The following EPG5 variants were observed in gnomAD, a reference collection of about 807,000 sequenced individuals.
The protein encoded by EPG5 is ectopic P granules protein 5 homolog.
Under a neutral mutation model 302.7 loss-of-function variants are expected in EPG5, and 159 were observed. That is an observed-to-expected ratio of 0.53 (90% CI 0.46 to 0.60). The LOEUF is 0.60. EPG5 is among the 20% of genes least tolerant of loss of function. The pLI is 0.00. For synonymous variants in EPG5, 1,158 were observed against 1,136.8 expected (o/e 1.02, Z -0.37); for missense variants, 2,896 against 3,092.4 (o/e 0.94, Z 1.51).
chr18:45,921,450 A>G (rs754370415), intron 16 of EPG5, among the ~76,000 whole-genome samples: 13 of 152,272 alleles, frequency 8.5e-5, no homozygotes, highest in Non-Finnish European at 1.9e-4. Context: ...GAAGTCATTC[A>G]TGCATTCAAT....
At position 45,903,987 on chromosome 18, in the gene EPG5, G is replaced by A. The variant is rs1167757417; in HGVS notation, c.4460C>T (p.Thr1487Ile). Residue 1487 changes from threonine (T) to isoleucine (I), a missense_variant, in exon 25 of 44, where the codon ACT (threonine) becomes ATT (isoleucine). This residue lies in a region of EPG5 where 790 missense variants were observed against 798.0 expected (regional missense o/e 0.99). Transcript: ENST00000282041. ...CCAGGACCCACCCAGCAAAGGATCA[G>A]TGAAGTCCAGCTGCACGGACAAACT... ...PCSLSVQLDF[T>I]DPLLAKERVL... The A allele has an allele frequency of 6.2e-7, 1 of 1,610,164 alleles. No homozygotes were observed. The highest frequency in any genetic ancestry group is 8.5e-7 in the Non-Finnish European group (1 of 1,179,296).
At chr18:45,852,744 C>T in intron 43 of EPG5, 95 bp from the exon 44 acceptor site, 1 of 1,116,680 alleles carries the variant, frequency 9.0e-7, no homozygotes, top group South Asian at 1.5e-5. Context: ...TGTACTTCAA[C>T]TGTGAGCCTT....
chr18:45,902,933 G>C (rs917362705), intron 25 of EPG5, among the ~76,000 whole-genome samples: 9 of 152,196 alleles, frequency 5.9e-5, no homozygotes, highest in African/African-American at 2.2e-4. Flanking sequence ...TGTGAGGACT[G>C]AGTTAATGCA....
intron 14 of EPG5, 84 bp from the exon 15 acceptor site, chr18:45,923,471 T>C: frequency 1.4e-6 from 2 of 1,413,084 alleles, no homozygotes; most frequent in Admixed American, 4.1e-5. Context: ...TTAGGCAGAA[T>C]AGTAACAAAG....
At position 45,954,622 on chromosome 18, in the gene EPG5, T is replaced by C. The variant is rs186213665; in HGVS notation, c.780A>G (p.Leu260=). The change falls in exon 2 of 44, where the codon CTA becomes CTG. Residue 260 remains leucine, a synonymous_variant. Transcript: ENST00000282041. ...GCCATGAACCAGGCTCCAAGATTTTTAGCTGTTCTTTAGTAAATGGTACTA... is the reference window on the plus strand; with the variant it reads ...GCCATGAACCAGGCTCCAAGATTTTCAGCTGTTCTTTAGTAAATGGTACTA... ...LELVPFTKEQ[L]KILEPGSWLE... is the part of the protein sequence containing the mutation. 391 of 1,614,272 alleles carry C rather than the reference T, an allele frequency of 2.4e-4. No individual in the cohort carries two copies. In the African/African-American group the frequency reaches 4.7e-3, roughly 19 times the overall value.
chr18:45,902,062 G>T (rs1384707241), intron 25 of EPG5, among the ~76,000 whole-genome samples: 1 of 152,172 alleles, frequency 6.6e-6, no homozygotes, highest in Non-Finnish European at 1.5e-5. Context: ...CAGTGGTCAA[G>T]GGAATTTCAA....
chr18:45,927,566 A>G (rs1907336873), intron 13 of EPG5, among the ~76,000 whole-genome samples: 1 of 149,592 alleles, frequency 6.7e-6, no homozygotes, highest in South Asian at 2.1e-4. Context: ...GTCCCCATCA[A>G]TGACTGAATG....
chr18:45,834,305 T>C, the EPG5 span, among the ~76,000 whole-genome samples: 1 of 152,244 alleles, frequency 6.6e-6, no homozygotes, highest in Non-Finnish European at 1.5e-5. Context: ...GGTACCATGC[T>C]GGGCAACAGC....
At chr18:45,953,136 G>T in intron 2 of EPG5, 1 of 271,864 alleles carries the variant, frequency 3.7e-6, no homozygotes, top group Non-Finnish European at 5.6e-6. Flanking sequence ...TTACGCCACT[G>T]CACTCCAGCC....
the EPG5 span, among the ~76,000 whole-genome samples, chr18:45,839,535 G>C: frequency 1.3e-5 from 2 of 152,262 alleles, no homozygotes; most frequent in African/African-American, 4.8e-5. Flanking sequence ...TGCGTGCTGA[G>C]CGGTAGACAG....
intron 8 of EPG5, among the ~76,000 whole-genome samples, chr18:45,943,659 C>T (rs2050721151): frequency 6.6e-6 from 1 of 152,160 alleles, no homozygotes; most frequent in Non-Finnish European, 1.5e-5. Context: ...CGGTGGCTCA[C>T]GCCTGTAATC....
At position 45,900,983 on chromosome 18, in the gene EPG5, T is replaced by A; in HGVS notation, c.4646+13A>T. The A allele has an allele frequency of 6.2e-7, 1 of 1,601,888 alleles. No homozygotes were observed. The highest frequency in any genetic ancestry group is 1.1e-5 in the South Asian group (1 of 90,152). ...AACATGGGAACATGATCCGTGAGGC[T>A]GCATGGTCTTACCTGGCCTGCTGTT... is the stretch of plus-strand genomic sequence containing the variant. On this transcript the variant is annotated intron_variant, in intron 26 of 43. Coordinates refer to ENST00000282041, the MANE Select transcript of EPG5 (RefSeq NM_020964.3).
chr18:45,915,977 C>T, intron 19 of EPG5, 32 bp downstream of exon 19: 2 of 1,566,914 alleles, frequency 1.3e-6, no homozygotes, highest in African/African-American at 1.4e-5. Context: ...TAGCCAATCA[C>T]TGAAAGATAA....
chr18:45,910,117 C>G (rs1199110462), intron 23 of EPG5, among the ~76,000 whole-genome samples: 1 of 152,116 alleles, frequency 6.6e-6, no homozygotes, highest in African/African-American at 2.4e-5. Context: ...TCCCAAGTAG[C>G]TGGGACCACA....
intron 35 of EPG5, among the ~76,000 whole-genome samples, chr18:45,872,667 G>A (rs2048895778): frequency 6.6e-6 from 1 of 152,038 alleles, no homozygotes; most frequent in Middle Eastern, 3.4e-3. Flanking sequence ...TCGCACCACC[G>A]CACTCCAACC....
intron 4 of EPG5, among the ~76,000 whole-genome samples, chr18:45,950,427 G>A (rs1266984449): frequency 6.6e-6 from 1 of 152,142 alleles, no homozygotes; most frequent in Non-Finnish European, 1.5e-5. Context: ...CACGAGATCT[G>A]ATGGGTTTAT....
the EPG5 span, chr18:45,825,498 C>T: frequency 3.5e-6 from 2 of 566,742 alleles, no homozygotes; most frequent in East Asian, 5.6e-5. Flanking sequence ...CAGTGATTCC[C>T]CTCTTGGTTT....
Position 45,878,388 on chromosome 18 carries a change from T to C in EPG5, c.5930A>G (p.Glu1977Gly). Residue 1977 changes from glutamate to glycine, a missense_variant, in exon 34 of 44, where the codon GAG becomes GGG. Physicochemically the swap from Glu to Gly is moderately conservative, Grantham distance 98. This residue lies in a region of EPG5 where 32 missense variants were observed against 58.4 expected (regional missense o/e 0.55). Coordinates refer to ENST00000282041, the MANE Select transcript of EPG5 (RefSeq NM_020964.3). ...QLFKPWILVL[E>G]DNESSQQRHY... ...AAAAACTGTTTACCTTTCGTTGTCC[T>C]CTAAAACCAGGATCCATGGCTTAAA... is the stretch of plus-strand genomic sequence containing the variant. 1 of 1,610,342 alleles carries C rather than the reference T, an allele frequency of 6.2e-7. No individual in the cohort carries two copies. Among genetic ancestry groups the C allele is most frequent in the Non-Finnish European group, 8.5e-7 (1 of 1,177,162 alleles).
Position 45,943,274 on chromosome 18 carries a change from C to G in EPG5, c.1830G>C (p.Met610Ile), listed in dbSNP as rs200214318. Residue 610 changes from methionine (M) to isoleucine (I), a missense_variant, in exon 9 of 44, where the codon ATG (methionine) becomes ATC (isoleucine). By Grantham distance (10) the Met-to-Ile change is conservative. This residue lies in a region of EPG5 where 1,390 missense variants were observed against 1,430.0 expected (regional missense o/e 0.97). Transcript: ENST00000282041. ...YLPETTRPQEMMKIFAFANSL... is the reference protein window; with the variant it reads ...YLPETTRPQEIMKIFAFANSL... ...AGTTGGCAAAGGCAAAAATTTTCAT[C>G]ATCTCTTGAGGTCTTGTTGTTTCAG... 6 of 1,614,106 alleles carry G rather than the reference C, an allele frequency of 3.7e-6. No homozygotes were observed. Among genetic ancestry groups the G allele is most frequent in the Non-Finnish European group, 4.2e-6 (5 of 1,179,990 alleles).
Sources: gnomAD v4.1 joint callset for allele counts (sites outside exome capture counted in the v4.1 genomes callset) on GRCh38, gnomAD v4.1.1 for gene constraint, gnomAD v4.1.1 regional missense constraint, MANE v1.5 for transcripts, NCBI Gene and HGNC (gene_info 2026-07-23, HGNC 2026-07-21) for gene names.